ATP9B: variants seen among roughly 807,000 people sequenced by gnomAD.
ATP9B encodes the protein probable phospholipid-transporting ATPase IIB.
ATP9B carries 110 observed loss-of-function variants against 146.1 expected under a neutral mutation model. The ratio of observed to expected loss-of-function variants is 0.75; its 90% CI spans 0.65 to 0.88. The LOEUF is 0.88. Ranked by LOEUF, ATP9B falls within the 40% of genes least tolerant of loss-of-function variation. The pLI is 0.00. For synonymous variants in ATP9B, 604 were observed against 569.7 expected, an observed-to-expected ratio of 1.06 and a Z score of -0.86; for missense variants, 1,499 against 1,496.4, an observed-to-expected ratio of 1.00 and a Z score of -0.03.
intron 13 of ATP9B, among the ~76,000 whole-genome samples, chr18:79,302,975 G>A (rs770300244): frequency 6.6e-6 from 1 of 152,016 alleles, no homozygotes; most frequent in Non-Finnish European, 1.5e-5. Context: ...TTTTATGTCC[G>A]CCTCTTTCAG....
chr18:79,106,597 G>A (rs573979304), intron 2 of ATP9B, among the ~76,000 whole-genome samples: 4 of 152,222 alleles, frequency 2.6e-5, no homozygotes, highest in African/African-American at 7.2e-5. Context: ...TGATAGTGGC[G>A]TCTTAACCAC....
intron 26 of ATP9B, among the ~76,000 whole-genome samples, chr18:79,369,323 G>A (rs888644614): frequency 6.6e-6 from 1 of 151,926 alleles, no homozygotes; most frequent in African/African-American, 2.4e-5. Context: ...TCACGAGTCA[G>A]GAGATCGAGA....
At chr18:79,100,007 C>G (rs547595212) in intron 2 of ATP9B, among the ~76,000 whole-genome samples, 1 of 152,112 alleles carries the variant, frequency 6.6e-6, no homozygotes, top group Non-Finnish European at 1.5e-5. Flanking sequence ...CACCTGTAGC[C>G]CCAGCTATGC....
At chr18:79,375,302 A>T in intron 28 of ATP9B, 92 bp from the exon 29 acceptor site, 1 of 1,185,400 alleles carries the variant, frequency 8.4e-7, no homozygotes, top group Non-Finnish European at 1.2e-6. Context: ...ATTGCTTTTT[A>T]ATGTATTTCT....
intron 2 of ATP9B, among the ~76,000 whole-genome samples, chr18:79,105,570 A>G (rs2146915226): frequency 6.6e-6 from 1 of 152,348 alleles, no homozygotes; most frequent in South Asian, 2.1e-4. Flanking sequence ...TTGTTCTGGT[A>G]TCTGTCTTTT....
intron 11 of ATP9B, among the ~76,000 whole-genome samples, chr18:79,238,606 C>T (rs542207261): frequency 1.3e-5 from 2 of 152,338 alleles, no homozygotes; most frequent in African/African-American, 4.8e-5. Flanking sequence ...CTGCGCTCTC[C>T]TCAATTCGCC....
intron 8 of ATP9B, among the ~76,000 whole-genome samples, chr18:79,191,623 A>G (rs8084706): frequency 0.56 from 84,941 of 152,094 alleles, 25,482 homozygotes; most frequent in African/African-American, 0.79. Flanking sequence ...CAGACATTGC[A>G]TTTTTTCAAT....
chr18:79,322,750 A>C (rs1464150561), intron 15 of ATP9B, among the ~76,000 whole-genome samples: 1 of 152,218 alleles, frequency 6.6e-6, no homozygotes, highest in East Asian at 1.9e-4. Context: ...TATTTTCAGC[A>C]AAAGGAAGAC....
chr18:79,233,306 A>G (rs1321657645), intron 11 of ATP9B, among the ~76,000 whole-genome samples: 1 of 152,080 alleles, frequency 6.6e-6, no homozygotes, highest in Non-Finnish European at 1.5e-5. Flanking sequence ...AAAAGATACA[A>G]CTATGTATAA....
chr18:79,368,962 C>T (rs1041425042), intron 26 of ATP9B, among the ~76,000 whole-genome samples: 4 of 145,650 alleles, frequency 2.7e-5, no homozygotes, highest in Non-Finnish European at 4.6e-5. Context: ...CTTCTCTCCC[C>T]GGCGCCACCG....
chr18:79,128,120 C>T (rs942137451), intron 5 of ATP9B, among the ~76,000 whole-genome samples: 37 of 131,632 alleles, frequency 2.8e-4, no homozygotes, highest in African/African-American at 1.1e-3. Flanking sequence ...AGTGCAGTGG[C>T]GCAACCTCTG....
At chr18:79,315,024 C>T (rs569406715) in intron 15 of ATP9B, among the ~76,000 whole-genome samples, 9 of 152,184 alleles carry the variant, frequency 5.9e-5, no homozygotes, top group Non-Finnish European at 1.3e-4. Flanking sequence ...TCTAGACTAG[C>T]TGTTTAGTAG....
At chr18:79,087,983 G>A (rs2146622179) in intron 1 of ATP9B, among the ~76,000 whole-genome samples, 1 of 152,192 alleles carries the variant, frequency 6.6e-6, no homozygotes, top group African/African-American at 2.4e-5. Flanking sequence ...TATGACACCA[G>A]GCAACAAAGA....
chr18:79,155,753 CTTTTTTTTTTTTTTTTT>C, intron 7 of ATP9B, among the ~76,000 whole-genome samples: 1 of 74,074 alleles, frequency 1.3e-5, no homozygotes, highest in Admixed American at 1.6e-4. Context: ...TGTTTTCTCT[CTTTTTTTTTTTTTTTTT>C]TTTTTTTTTT....
At chr18:79,200,307 A>G (rs989120392) in intron 9 of ATP9B, among the ~76,000 whole-genome samples, 2 of 152,226 alleles carry the variant, frequency 1.3e-5, no homozygotes, top group African/African-American at 4.8e-5. Flanking sequence ...TTGTACCTGA[A>G]GCAGAAACTG....
chr18:79,127,293 GT>G (rs1221388608), intron 5 of ATP9B, among the ~76,000 whole-genome samples: 1 of 152,084 alleles, frequency 6.6e-6, no homozygotes, highest in Non-Finnish European at 1.5e-5. Flanking sequence ...TGTCATTTAA[GT>G]TTAGCATACT....
chr18:79,093,301 A>T (rs1316777302), intron 1 of ATP9B, among the ~76,000 whole-genome samples: 1 of 152,128 alleles, frequency 6.6e-6, no homozygotes, highest in Admixed American at 6.5e-5. Flanking sequence ...CCTGAAGGAC[A>T]TTGTTGCTGG....
chr18:79,376,389 ATT>A (rs1162245001), intron 29 of ATP9B: 1,084 of 941,820 alleles, frequency 1.2e-3, no homozygotes, highest in Middle Eastern at 2.2e-3. Flanking sequence ...ATCTGCAACC[ATT>A]TTTTTTTTTT....
chr18:79,368,814 G>A (rs1435534338), intron 26 of ATP9B, among the ~76,000 whole-genome samples: 3 of 151,666 alleles, frequency 2.0e-5, no homozygotes, highest in South Asian at 2.1e-4. Context: ...ATACTCCGTC[G>A]TTGGCACCCT....
Sources: gnomAD v4.1 joint callset for allele counts (sites outside exome capture counted in the v4.1 genomes callset) on GRCh38, gnomAD v4.1.1 for gene constraint, MANE v1.5 for transcripts, NCBI Gene and HGNC (gene_info 2026-07-23, HGNC 2026-07-21) for gene names.